ITGB7: variants seen among roughly 807,000 people sequenced by gnomAD.
ITGB7 encodes integrin beta-7.
Under a neutral mutation model 83.4 loss-of-function variants are expected in ITGB7, and 55 were observed. The observed-to-expected ratio is 0.66, with a 90% CI of 0.53 to 0.83. The LOEUF is 0.83. ITGB7 is among the 40% of genes least tolerant of loss of function. The pLI is 0.00. For synonymous variants in ITGB7, 454 were observed against 423.6 expected, an observed-to-expected ratio of 1.07 and a Z score of -0.88; for missense variants, 921 against 1,046.7, an observed-to-expected ratio of 0.88 and a Z score of 1.66.
chr12:53,200,589 G>A (rs1362979383), intron 2 of ITGB7, 143 bp from the exon 3 acceptor site: 5 of 691,898 alleles, frequency 7.2e-6, no homozygotes, highest in East Asian at 2.7e-5. Context: ...TTCCCCTGTG[G>A]ATTCAGCAGT....
At position 53,191,946 on chromosome 12, in the gene ITGB7, G is replaced by A. The variant is rs1565697114; in HGVS notation, c.2229C>T (p.Val743=). ...GGIVAVGLGL[V]LAYRLSVEIY... ...TTTCCACCGAGAGCCGGTAAGCCAG[G>A]ACCAGCCCCAGCCCCACTGCCACGA... The change falls in exon 15 of 16, where the codon GTC becomes GTT. Residue 743 remains valine, a synonymous_variant. Transcript: ENST00000267082. 1.2e-6 allele frequency: 2 copies of A among 1,611,512 alleles called. No homozygotes were observed. Among genetic ancestry groups the A allele is most frequent in the East Asian group, 4.5e-5 (2 of 44,872 alleles).
At chr12:53,192,056 G>GAGCTGC (rs750805480) in intron 14 of ITGB7, 37 bp from the exon 15 acceptor site, 3 of 1,601,406 alleles carry the variant, frequency 1.9e-6, no homozygotes, top group Non-Finnish European at 1.7e-6. Context: ...GTGGGAGCTG[G>GAGCTGC]AGCATAGGGA....
Position 53,198,863 on chromosome 12 carries a change from G to C in ITGB7, c.202-912C>G, listed in dbSNP as rs77091762. On this transcript the variant is annotated intron_variant, in intron 3 of 15. Transcript: ENST00000267082. ...CCCACCAATATGTCTGGTATCCCTG[G>C]GACTGGTTGGGAAGCCACAGGGGAA... Among the ~76,000 whole-genome samples, 319 of 152,270 alleles carry C rather than the reference G, an allele frequency of 2.1e-3. 1 individual carries two copies. The highest frequency in any genetic ancestry group is 7.4e-3 in the African/African-American group (309 of 41,542).
intron 1 of ITGB7, among the ~76,000 whole-genome samples, chr12:53,202,008 G>A (rs188262891): frequency 6.6e-5 from 10 of 152,318 alleles, no homozygotes; most frequent in East Asian, 1.9e-4. Flanking sequence ...TGCTTCTGTG[G>A]CCAATTGATT....
In ITGB7 at chr12:53,192,033, A is replaced by C. The variant is rs201131467; in HGVS notation, c.2156-14T>G. On this transcript the variant is annotated splice_polypyrimidine_tract_variant and intron_variant, in intron 14 of 15. Transcript: ENST00000267082. ...GGTCTGCTCCCTCTGTGAACAAGAA[A>C]CCAGACACACTTGTGGGAGCTGGAG... The C allele has an allele frequency of 6.2e-7, 1 of 1,608,692 alleles. No homozygotes were observed. The highest frequency in any genetic ancestry group is 2.2e-5 in the East Asian group (1 of 44,754).
At chr12:53,193,454 A>C in intron 11 of ITGB7, 91 bp from the exon 12 acceptor site, 14 of 970,698 alleles carry the variant, frequency 1.4e-5, no homozygotes, top group South Asian at 3.5e-5. Context: ...CCAAGTTCTC[A>C]AAAGAGTTGG....
At chr12:53,196,343 G>A in intron 6 of ITGB7, 144 bp from the exon 7 acceptor site, 1 of 1,051,628 alleles carries the variant, frequency 9.5e-7, no homozygotes, top group Admixed American at 2.6e-5. Context: ...GCTTCTCCCT[G>A]CTCTCTCCAG....
chr12:53,205,180 GTATT>G (rs769859033), intron 1 of ITGB7, among the ~76,000 whole-genome samples: 6 of 151,920 alleles, frequency 3.9e-5, no homozygotes, highest in East Asian at 1.9e-4. Flanking sequence ...AGTAATGTAT[GTATT>G]TATTTATTTA....
At position 53,196,734 on chromosome 12, in the gene ITGB7, C is replaced by T; in HGVS notation, c.661G>A (p.Glu221Lys). The T allele has an allele frequency of 6.2e-7, 1 of 1,613,582 alleles. No individual in the cohort carries two copies. Among genetic ancestry groups the T allele is most frequent in the South Asian group, 1.1e-5 (1 of 91,016 alleles). Residue 221 changes from glutamate (E) to lysine (K), a missense_variant, in exon 6 of 16, where the codon GAG becomes AAG. Coordinates refer to ENST00000267082, the MANE Select transcript of ITGB7 (RefSeq NM_000889.3). Reference sequence around the variant, plus strand: ...AAGCTGAATGGTGACTGGCAGCGCTCCAGCCGGGTGGGGCAGGGGTGGCGC... The same window carrying T: ...AAGCTGAATGGTGACTGGCAGCGCTTCAGCCGGGTGGGGCAGGGGTGGCGC... ...KLRHPCPTRLERCQSPFSFHH... is the reference protein window; with the variant it reads ...KLRHPCPTRLKRCQSPFSFHH...
intron 1 of ITGB7, among the ~76,000 whole-genome samples, chr12:53,201,520 T>C (rs1942321101): frequency 6.6e-6 from 1 of 152,172 alleles, no homozygotes; most frequent in Non-Finnish European, 1.5e-5. Context: ...GGGTAATACC[T>C]TGAGTGACCT....
intron 9 of ITGB7, 126 bp downstream of exon 9, chr12:53,195,248 A>T (rs972512435): frequency 1.4e-6 from 1 of 695,094 alleles, no homozygotes; most frequent in Admixed American, 2.1e-5. Context: ...GACTATAGGT[A>T]GGAGCTGTGG....
chr12:53,194,039 C>A lies in ITGB7; in HGVS notation c.1309-138G>T, dbSNP rs901902604. 3.0e-6 allele frequency: 4 copies of A among 1,319,014 alleles called. No homozygotes were observed. In the Admixed American group the frequency reaches 6.1e-5, roughly 20 times the overall value. The allele number at this position is 1,319,014 out of a possible 1,614,324, so 81.7% of individuals were successfully genotyped here. ...TAACACCCAACTCCTAGAAACATGC[C>A]TGAGGAAGCCACTCAGACTGCTCCA... is the stretch of plus-strand genomic sequence containing the variant. On this transcript the variant is annotated intron_variant, in intron 10 of 15. Coordinates refer to ENST00000267082, the MANE Select transcript of ITGB7 (RefSeq NM_000889.3).
rs376658776 is a variant in ITGB7 at position 53,194,360 on chromosome 12, G to T, written c.1162-16C>A. On this transcript the variant is annotated splice_polypyrimidine_tract_variant and intron_variant, in intron 9 of 15. Coordinates refer to ENST00000267082, the MANE Select transcript of ITGB7 (RefSeq NM_000889.3). ...AAGACAGGCTCTATGGGAAGAGAGC[G>T]AGTGGATAACCACGTGAAGGCAGAA... 5 of 1,613,278 alleles carry T rather than the reference G, an allele frequency of 3.1e-6. No individual in the cohort carries two copies. The highest frequency in any genetic ancestry group is 1.1e-5 in the South Asian group (1 of 91,018).
At chr12:53,205,180 G>GTATT (rs769859033) in intron 1 of ITGB7, among the ~76,000 whole-genome samples, 2 of 152,036 alleles carry the variant, frequency 1.3e-5, no homozygotes, top group African/African-American at 2.4e-5. Context: ...AGTAATGTAT[G>GTATT]TATTTATTTA....
chr12:53,194,323 G>A lies in ITGB7; in HGVS notation c.1183C>T (p.Leu395Phe), dbSNP rs775557266. 2.5e-6 allele frequency: 4 copies of A among 1,613,928 alleles called. No homozygotes were observed. The highest frequency in any genetic ancestry group is 2.2e-5 in the East Asian group (1 of 44,886). The change falls in exon 10 of 16, where the codon CTT becomes TTT. Residue 395 changes from leucine to phenylalanine, a missense_variant. Leu to Phe is a conservative substitution (Grantham distance 22). Transcript: ENST00000267082. ...AYNSLSSTVT[L>F]EHSSLPPGVH... ...CCAGGAGGGAGTGAAGAGTGTTCAAGGGTCACGGTGGAAGACAGGCTCTAT... is the reference window on the plus strand; with the variant it reads ...CCAGGAGGGAGTGAAGAGTGTTCAAAGGTCACGGTGGAAGACAGGCTCTAT...
At chr12:53,201,884 G>A (rs1229729535) in intron 1 of ITGB7, among the ~76,000 whole-genome samples, 1 of 152,172 alleles carries the variant, frequency 6.6e-6, no homozygotes, top group Non-Finnish European at 1.5e-5. Flanking sequence ...CTGGGCAACA[G>A]AGTGAAACCC....
Position 53,195,432 on chromosome 12 carries a change from A to G in ITGB7, c.1103T>C (p.Val368Ala), listed in dbSNP as rs200281008. The change falls in exon 9 of 16, where the codon GTT (valine) becomes GCT (alanine). Residue 368 changes from valine (V) to alanine (A), a missense_variant. Coordinates refer to ENST00000267082, the MANE Select transcript of ITGB7 (RefSeq NM_000889.3). ...GCTGGAGTCCTCACTCAGCTCCCCAACTGCAGACTTAGGAATCAGTTTACT... is the reference window on the plus strand; with the variant it reads ...GCTGGAGTCCTCACTCAGCTCCCCAGCTGCAGACTTAGGAATCAGTTTACT... ...ELSKLIPKSA[V>A]GELSEDSSNV... 2.9e-5 allele frequency: 46 copies of G among 1,613,776 alleles called. No homozygotes were observed. The highest frequency in any genetic ancestry group is 3.0e-5 in the Non-Finnish European group (35 of 1,179,802).
intron 9 of ITGB7, 152 bp downstream of exon 9, chr12:53,195,222 A>T (rs796101329): frequency 4.7e-6 from 3 of 633,732 alleles, no homozygotes; most frequent in Non-Finnish European, 8.6e-6. Context: ...TGAACAGTTA[A>T]TGACAGCCAC....
In ITGB7 at chr12:53,194,193, C is replaced by T; in HGVS notation, c.1308+5G>A. ...CGCCTTCTGCCTGTGCTTGCTGGCT[C>T]TCACCGTCTGGTTGATTCGGACGTG... is the stretch of plus-strand genomic sequence containing the variant. On this transcript the variant is annotated splice_donor_5th_base_variant and intron_variant, in intron 10 of 15. Transcript: ENST00000267082. The T allele has an allele frequency of 1.2e-6, 2 of 1,614,056 alleles. No homozygotes were observed. The highest frequency in any genetic ancestry group is 1.7e-6 in the Non-Finnish European group (2 of 1,179,990).
Sources: gnomAD v4.1 joint callset for allele counts (sites outside exome capture counted in the v4.1 genomes callset) on GRCh38, gnomAD v4.1.1 for gene constraint, MANE v1.5 for transcripts, NCBI Gene and HGNC (gene_info 2026-07-23, HGNC 2026-07-21) for gene names.